The following FAF1 variants were observed in gnomAD, a reference collection of about 807,000 sequenced individuals.
The protein encoded by FAF1 is FAS-associated factor 1.
FAF1 carries 25 observed loss-of-function variants against 92.5 expected under a neutral mutation model. The ratio of observed to expected loss-of-function variants is 0.27; its 90% CI spans 0.20 to 0.38. FAF1 has a LOEUF of 0.38. Among genes scored for constraint, FAF1 ranks in the 10% least tolerant of loss-of-function variants. FAF1 has a pLI of 1.00. For missense variants in FAF1, 636 were observed against 793.3 expected (o/e 0.80, Z 2.38); for synonymous variants, 234 against 273.2 (o/e 0.86, Z 1.42).
At chr1:50,505,866 C>T (rs1647052361) in intron 15 of FAF1, among the ~76,000 whole-genome samples, 1 of 152,076 alleles carries the variant, frequency 6.6e-6, no homozygotes. Context: ...GAATAAAATC[C>T]TAATGGGATT....
chr1:50,850,929 C>T (rs1207464557), intron 2 of FAF1, among the ~76,000 whole-genome samples: 2 of 152,132 alleles, frequency 1.3e-5, no homozygotes, highest in Non-Finnish European at 2.9e-5. Flanking sequence ...TACAGGTGTG[C>T]TAAACCACTG....
intron 14 of FAF1, 113 bp from the exon 15 acceptor site, chr1:50,535,570 C>A: frequency 1.8e-6 from 1 of 566,754 alleles, no homozygotes; most frequent in South Asian, 3.2e-5. Context: ...AAGGAATAAT[C>A]AGTCTAAAAA....
chr1:50,584,836 T>C (rs1296139684), intron 9 of FAF1, 25 bp from the exon 10 acceptor site: 2 of 1,608,268 alleles, frequency 1.2e-6, no homozygotes, highest in South Asian at 1.1e-5. Context: ...TCCTGATTAG[T>C]TTCATATTGA....
At chr1:50,672,205 C>A (rs770511832) in intron 7 of FAF1, among the ~76,000 whole-genome samples, 1 of 151,960 alleles carries the variant, frequency 6.6e-6, no homozygotes, top group South Asian at 2.1e-4. Flanking sequence ...CCACCATGCC[C>A]AGCTAATTTT....
At chr1:50,504,898 A>G (rs1572792002) in intron 15 of FAF1, among the ~76,000 whole-genome samples, 1 of 152,174 alleles carries the variant, frequency 6.6e-6, no homozygotes, top group East Asian at 1.9e-4. Flanking sequence ...ACAAAAGGAG[A>G]ATCTTGGGCC....
intron 7 of FAF1, among the ~76,000 whole-genome samples, chr1:50,662,872 T>C (rs1164980111): frequency 1.3e-5 from 2 of 150,738 alleles, no homozygotes; most frequent in African/African-American, 2.5e-5. Flanking sequence ...GGCTAATTTT[T>C]TGTATTTTTA....
chr1:50,600,807 T>C (rs1652080957), intron 8 of FAF1, among the ~76,000 whole-genome samples: 1 of 152,190 alleles, frequency 6.6e-6, no homozygotes, highest in Non-Finnish European at 1.5e-5. Flanking sequence ...ATAAAAACAG[T>C]GTCACTTTAC....
intron 1 of FAF1, among the ~76,000 whole-genome samples, chr1:50,867,725 G>A (rs1266160042): frequency 6.6e-6 from 1 of 152,130 alleles, no homozygotes; most frequent in East Asian, 1.9e-4. Flanking sequence ...CTTTTACACT[G>A]CTGGTGGGAA....
intron 1 of FAF1, among the ~76,000 whole-genome samples, chr1:50,954,540 A>ATTTT (rs199964324): frequency 1.7e-5 from 2 of 120,368 alleles, no homozygotes; most frequent in Admixed American, 9.1e-5. Flanking sequence ...AAAAATTTTG[A>ATTTT]TTTTTTTTTT....
intron 2 of FAF1, among the ~76,000 whole-genome samples, chr1:50,822,220 G>A (rs1025244158): frequency 6.6e-6 from 1 of 152,032 alleles, no homozygotes; most frequent in Non-Finnish European, 1.5e-5. Context: ...TTAGTCAAAT[G>A]TAAAGAATGT....
At chr1:50,743,494 AT>A (rs1659468615) in intron 5 of FAF1, among the ~76,000 whole-genome samples, 1 of 149,650 alleles carries the variant, frequency 6.7e-6, no homozygotes, top group Non-Finnish European at 1.5e-5. Context: ...CGCCCAGCTA[AT>A]TTTTGCATTT....
At chr1:50,678,884 G>A (rs1343756811) in intron 7 of FAF1, among the ~76,000 whole-genome samples, 1 of 149,056 alleles carries the variant, frequency 6.7e-6, no homozygotes, top group African/African-American at 2.5e-5. Context: ...CAGGATGATT[G>A]AGACCATCCT....
chr1:50,592,740 G>A (rs1388603046), intron 9 of FAF1, among the ~76,000 whole-genome samples: 1 of 152,218 alleles, frequency 6.6e-6, no homozygotes, highest in East Asian at 1.9e-4. Flanking sequence ...TTGAGGTAAG[G>A]AGCTTAAAAC....
rs1553144965 is a variant in FAF1, at chr1:50,836,170, G to GTTTTTTTGTT, written c.114+21758_114+21759insAACAAAAAAA. ...GTGTGTGTTTTTGTTTTTTGTTTCTGTTTTTTTTTTTTTTTTTTTAGACAG... is the reference window on the plus strand; with the variant it reads ...GTGTGTGTTTTTGTTTTTTGTTTCTGTTTTTTTGTTTTTTTTTTTTTTTTTTTTTAGACAG... On this transcript the variant is annotated intron_variant, in intron 2 of 18. Transcript: ENST00000396153. Among the ~76,000 whole-genome samples, 18 of 98,524 alleles carry GTTTTTTTGTT rather than the reference G, an allele frequency of 1.8e-4. 2 individuals carry two copies. The highest frequency in any genetic ancestry group is 3.5e-4 in the South Asian group (1 of 2,890). 64.6% of individuals were successfully genotyped at this position (98,524 alleles called of 152,430 possible). A position where few individuals can be genotyped will look rare whatever the true frequency, so the allele number is the denominator to read the frequency against.
At chr1:50,502,684 T>C (rs1399826510) in intron 15 of FAF1, among the ~76,000 whole-genome samples, 5 of 152,160 alleles carry the variant, frequency 3.3e-5, no homozygotes, top group Admixed American at 1.3e-4. Context: ...TAATAAAGTG[T>C]TGGGGTCTGT....
chr1:50,698,063 C>A (rs984970638), intron 7 of FAF1, among the ~76,000 whole-genome samples: 10 of 152,156 alleles, frequency 6.6e-5, no homozygotes, highest in African/African-American at 2.4e-4. Flanking sequence ...ACATGCAGGC[C>A]TTATCTTAAT....
At chr1:50,730,259 AT>A (rs1287369564) in intron 6 of FAF1, among the ~76,000 whole-genome samples, 3 of 152,000 alleles carry the variant, frequency 2.0e-5, no homozygotes, top group African/African-American at 7.2e-5. Flanking sequence ...TGGATATTTC[AT>A]TGTTTATTTT....
chr1:50,649,002 T>C (rs564209914), intron 8 of FAF1, among the ~76,000 whole-genome samples: 53 of 152,292 alleles, frequency 3.5e-4, no homozygotes, highest in Admixed American at 7.8e-4. Context: ...CAGGCTGGTC[T>C]CGAACTCCTG....
chr1:50,782,688 G>A (rs1277782789), intron 4 of FAF1, among the ~76,000 whole-genome samples: 1 of 151,956 alleles, frequency 6.6e-6, no homozygotes, highest in African/African-American at 2.4e-5. Context: ...TCCTCAAAAA[G>A]TTTTAAAAGT....
Sources: gnomAD v4.1 joint callset for allele counts (sites outside exome capture counted in the v4.1 genomes callset) on GRCh38, gnomAD v4.1.1 for gene constraint, MANE v1.5 for transcripts, NCBI Gene and HGNC (gene_info 2026-07-23, HGNC 2026-07-21) for gene names.